PEX26: variants seen among roughly 807,000 people sequenced by gnomAD.
PEX26 encodes the protein peroxisomal biogenesis factor 26, also known as peroxisome assembly protein 26.
PEX26 carries 18 observed loss-of-function variants against 31.4 expected under a neutral mutation model. The observed-to-expected ratio is 0.57, with a 90% confidence interval of 0.40 to 0.85. The LOEUF (loss-of-function observed/expected upper bound fraction) is 0.85, where lower values mean the gene tolerates loss of function less well. Ranked by LOEUF, PEX26 falls within the 40% of genes least tolerant of loss-of-function variation. The probability of loss-of-function intolerance (pLI) is 0.00; values close to 1 mark genes in which losing one functional copy is unlikely to be tolerated. For missense variants in PEX26, 377 were observed against 383.9 expected, an observed-to-expected ratio of 0.98 and a Z score of 0.15; for synonymous variants, 176 against 166.9, an observed-to-expected ratio of 1.05 and a Z score of -0.42.
intron 4 of PEX26, among the ~76,000 whole-genome samples, chr22:18,085,506 G>C (rs1292084021): frequency 1.3e-5 from 2 of 152,198 alleles, no homozygotes; most frequent in Non-Finnish European, 1.5e-5. Context: ...GCTGACTCCT[G>C]AACATGGACT....
At position 18,103,429 on chromosome 22, in the gene PEX26, A is replaced by G. The variant is rs1927520450; in HGVS notation, c.*15354A>G. On this transcript the variant is annotated 3_prime_UTR_variant, in exon 5 of 5. Transcript: ENST00000399744. ...GTAATGAAATGTCACATCTACTTCA[A>G]TAATATGTACAAATATTATTTATCA... is the stretch of plus-strand genomic sequence containing the variant. 1.3e-5 allele frequency: 2 copies of G among 152,206 alleles called. 1 individual carries two copies. Among genetic ancestry groups the G allele is most frequent in the South Asian group, 4.1e-4 (2 of 4,832 alleles). The allele number at this position is 152,206 out of a possible 1,614,324, so 9.4% of individuals were successfully genotyped here.
In PEX26 at chr22:18,078,434, C is replaced by A; in HGVS notation, c.58C>A (p.Arg20Ser). The part of the protein sequence containing the change: ...APLRGLGGPL[R>S]SSEPVRAVPA... ...CCTCAGGGGGCTCGGGGGACCCCTG[C>A]GCAGCAGCGAGCCGGTGCGCGCGGT... Residue 20 changes from arginine to serine, a missense_variant, in exon 1 of 5, where the codon CGC becomes AGC. By Grantham distance (110) the Arg-to-Ser change is moderately radical (BLOSUM62 -1). Coordinates refer to ENST00000399744, the MANE Select transcript of PEX26 (RefSeq NM_001127649.3). 6.3e-7 allele frequency: 1 copy of A among 1,580,696 alleles called. No homozygotes were observed. Among genetic ancestry groups the A allele is most frequent in the Non-Finnish European group, 8.6e-7 (1 of 1,167,592 alleles).
chr22:18,083,541 T>C lies in PEX26; in HGVS notation c.476T>C (p.Leu159Ser). 1 of 1,614,134 alleles carries C rather than the reference T, an allele frequency of 6.2e-7. No homozygotes were observed. Residue 159 changes from leucine (L) to serine (S), a missense_variant, in exon 3 of 5, where the codon TTG becomes TCG. By Grantham distance (145) the Leu-to-Ser change is moderately radical. Transcript: ENST00000399744. ...CAAAACCTTCCAGAATATGGAGCCT[T>C]GGCAGAATTTCACGTGCAGCGGGTG... is the stretch of plus-strand genomic sequence containing the variant. ...ANQNLPEYGA[L>S]AEFHVQRVLL... is the part of the protein sequence containing the mutation.
rs1003591557 is a variant in PEX26 at position 18,091,844 on chromosome 22, G to A, written c.*3769G>A. ...CCCCAAGTTTAGGGTGAGCAGCAGT[G>A]GTCAGAGCTCTTTACTATTACTTTT... On this transcript the variant is annotated 3_prime_UTR_variant, in exon 5 of 5. Transcript: ENST00000399744. The A allele has an allele frequency of 6.6e-6, 1 of 152,244 alleles. No homozygotes were observed. Among genetic ancestry groups the A allele is most frequent in the Non-Finnish European group, 1.5e-5 (1 of 68,102 alleles). The allele number at this position is 152,244 out of a possible 1,614,324, so 9.4% of individuals were successfully genotyped here. A position where few individuals can be genotyped will look rare whatever the true frequency, so the allele number is the denominator to read the frequency against.
At position 18,093,811 on chromosome 22, in the gene PEX26, T is replaced by C. The variant is rs1019944536; in HGVS notation, c.*5736T>C. The C allele has an allele frequency of 6.6e-6, 1 of 152,210 alleles. No individual in the cohort carries two copies. Among genetic ancestry groups the C allele is most frequent in the Non-Finnish European group, 1.5e-5 (1 of 68,042 alleles). 9.4% of individuals were successfully genotyped at this position (152,210 alleles called of 1,614,324 possible). On this transcript the variant is annotated 3_prime_UTR_variant, in exon 5 of 5. Transcript: ENST00000399744. ...TTGGCAGCCCATGCACTTGAGAACC[T>C]GTAGAAAATGGCAGTGTGCAACCAG...
In PEX26 at chr22:18,100,454, C is replaced by A. The variant is rs1351155482; in HGVS notation, c.*12379C>A. ...CTTGCAAAATACCTCAAGTGTACCTCATTTACCTCAAATATACCTCATGGT... is the reference window on the plus strand; with the variant it reads ...CTTGCAAAATACCTCAAGTGTACCTAATTTACCTCAAATATACCTCATGGT... On this transcript the variant is annotated 3_prime_UTR_variant, in exon 5 of 5. Coordinates refer to ENST00000399744, the MANE Select transcript of PEX26 (RefSeq NM_001127649.3). 2 of 152,132 alleles carry A rather than the reference C, an allele frequency of 1.3e-5. No individual in the cohort carries two copies. Among genetic ancestry groups the A allele is most frequent in the African/African-American group, 4.8e-5 (2 of 41,432 alleles). 9.4% of individuals were successfully genotyped at this position (152,132 alleles called of 1,614,324 possible).
chr22:18,078,273 G>A lies in PEX26; in HGVS notation c.-104G>A, dbSNP rs1257139520. The A allele has an allele frequency of 1.2e-6, 1 of 827,786 alleles. No individual in the cohort carries two copies. The highest frequency in any genetic ancestry group is 2.0e-5 in the Admixed American group (1 of 50,240). The allele number at this position is 827,786 out of a possible 1,614,324, so 51.3% of individuals were successfully genotyped here. A position where few individuals can be genotyped will look rare whatever the true frequency, so the allele number is the denominator to read the frequency against. On this transcript the variant is annotated 5_prime_UTR_variant, in exon 1 of 5. The change abolishes an upstream ATG in the 5' untranslated region. Transcript: ENST00000399744. ...CGGGAAGGGGTGTGGGCAAAGAGAT[G>A]AGGACTCTCCCTCTTCGCCCAGGCC...
intron 2 of PEX26, among the ~76,000 whole-genome samples, chr22:18,083,198 A>T (rs779771197): frequency 3.9e-5 from 6 of 152,196 alleles, no homozygotes; most frequent in African/African-American, 1.4e-4. Context: ...CGGTCAAAGT[A>T]GGCATCTTTG....
At position 18,094,164 on chromosome 22, in the gene PEX26, A is replaced by G. The variant is rs1379660552; in HGVS notation, c.*6089A>G. 1.3e-5 allele frequency: 2 copies of G among 152,128 alleles called. No individual in the cohort carries two copies. Among genetic ancestry groups the G allele is most frequent in the Non-Finnish European group, 2.9e-5 (2 of 68,036 alleles). 9.4% of individuals were successfully genotyped at this position (152,128 alleles called of 1,614,324 possible). A position where few individuals can be genotyped will look rare whatever the true frequency, so the allele number is the denominator to read the frequency against. On this transcript the variant is annotated 3_prime_UTR_variant, in exon 5 of 5. Transcript: ENST00000399744. The stretch of plus-strand genomic sequence containing the variant: ...GGACAGGTGTCAGATAATAGCAGAG[A>G]CTTGGTGAAGAAATGAAAGCACTTT...
rs1199052809 is a variant in PEX26, at chr22:18,083,693, C to T, written c.628C>T (p.His210Tyr). 5.0e-6 allele frequency: 8 copies of T among 1,613,998 alleles called. No homozygotes were observed. Among genetic ancestry groups the T allele is most frequent in the Admixed American group, 1.7e-5 (1 of 60,008 alleles). The part of the protein sequence containing the change: ...HTARQQQKQE[H>Y]SGSEEAQKPN... ...AGCGAGGCAGCAGCAGAAACAGGAA[C>T]ACTCAGGCTCTGAGGAGGCCCAGAA... is the stretch of plus-strand genomic sequence containing the variant. Residue 210 changes from histidine to tyrosine, a missense_variant, in exon 3 of 5, where the codon CAC (histidine) becomes TAC (tyrosine). His to Tyr is a moderately conservative substitution (Grantham distance 83, BLOSUM62 2). Coordinates refer to ENST00000399744, the MANE Select transcript of PEX26 (RefSeq NM_001127649.3).
chr22:18,079,628 C>T (rs1926465392), intron 1 of PEX26, among the ~76,000 whole-genome samples: 1 of 152,166 alleles, frequency 6.6e-6, no homozygotes, highest in Non-Finnish European at 1.5e-5. Context: ...CTGATTTCAC[C>T]TGGATACAAA....
chr22:18,085,667 G>A (rs1926813488), intron 4 of PEX26, among the ~76,000 whole-genome samples: 2 of 151,868 alleles, frequency 1.3e-5, no homozygotes, highest in South Asian at 2.1e-4. Flanking sequence ...TCAGGAAATC[G>A]AGACCAGCCT....
rs1278163550 is a variant in PEX26, at chr22:18,104,678, GCTCACTGCCTCTTGTT to G, written c.*16615_*16630del. 2 of 152,658 alleles carry G rather than the reference GCTCACTGCCTCTTGTT, an allele frequency of 1.3e-5. No individual in the cohort carries two copies. Among genetic ancestry groups the G allele is most frequent in the Admixed American group, 6.6e-5 (1 of 15,236 alleles). 9.5% of individuals were successfully genotyped at this position (152,658 alleles called of 1,614,324 possible). A position where few individuals can be genotyped will look rare whatever the true frequency, so the allele number is the denominator to read the frequency against. On this transcript the variant is annotated 3_prime_UTR_variant, in exon 5 of 5. Transcript: ENST00000399744. ...TCTGTCACTGACTCCCGCTCCCAGT[GCTCACTGCCTCTTGTT>G]CTCACTGCCTCCTGTTCTCACTGCC... is the stretch of plus-strand genomic sequence containing the variant.
At chr22:18,083,088 G>A (rs943169611) in intron 2 of PEX26, among the ~76,000 whole-genome samples, 1 of 152,204 alleles carries the variant, frequency 6.6e-6, no homozygotes, top group Non-Finnish European at 1.5e-5. Context: ...TCTGCAAACA[G>A]GGATAACTTG....
intron 3 of PEX26, among the ~76,000 whole-genome samples, chr22:18,083,966 T>G (rs1017546796): frequency 2.6e-5 from 4 of 152,342 alleles, no homozygotes; most frequent in Admixed American, 2.6e-4. Context: ...TCTTGGGACC[T>G]TGACTTGTCT....
In PEX26 at chr22:18,101,335, A is replaced by G. The variant is rs898444965; in HGVS notation, c.*13260A>G. 2.0e-5 allele frequency: 3 copies of G among 152,088 alleles called. No individual in the cohort carries two copies. Among genetic ancestry groups the G allele is most frequent in the African/African-American group, 7.2e-5 (3 of 41,406 alleles). The allele number at this position is 152,088 out of a possible 1,614,324, so 9.4% of individuals were successfully genotyped here. On this transcript the variant is annotated 3_prime_UTR_variant, in exon 5 of 5. Coordinates refer to ENST00000399744, the MANE Select transcript of PEX26 (RefSeq NM_001127649.3). ...AAGATGGGTAGCTGGCTTGAGTAAC[A>G]TCCTAGATAATAGTCCCAGTCAAAA... is the stretch of plus-strand genomic sequence containing the variant.
intron 3 of PEX26, 132 bp from the exon 4 acceptor site, chr22:18,084,980 C>T (rs1249245375): frequency 2.3e-6 from 2 of 887,850 alleles, no homozygotes; most frequent in Non-Finnish European, 3.6e-6. Flanking sequence ...CTCAGCCTCC[C>T]AAAGTGCTGG....
Position 18,084,563 on chromosome 22 carries a change from T to TA in PEX26, c.668-543dup, listed in dbSNP as rs536718757. On this transcript the variant is annotated intron_variant, in intron 3 of 4. Coordinates refer to ENST00000399744, the MANE Select transcript of PEX26 (RefSeq NM_001127649.3). Reference sequence around the variant, plus strand: ...TGGCCTGAAAGGTTCTGAAAGGTTTTAAAAAACTTTTACAAAGATGCATTC... The same window carrying TA: ...TGGCCTGAAAGGTTCTGAAAGGTTTTAAAAAAACTTTTACAAAGATGCATTC... Among the ~76,000 whole-genome samples, 751 of 152,014 alleles carry TA rather than the reference T, an allele frequency of 4.9e-3. 7 individuals carry two copies. Among genetic ancestry groups the TA allele is most frequent in the African/African-American group, 0.017 (708 of 41,448 alleles).
Position 18,083,279 on chromosome 22 carries a change from C to T in PEX26, c.372-158C>T, listed in dbSNP as rs183965022. On this transcript the variant is annotated intron_variant, in intron 2 of 4. Transcript: ENST00000399744. ...ATTATGCTGTTAGTGATGGGTGTGT[C>T]GTGGGGAATTCCCATGAGCATCATC... is the stretch of plus-strand genomic sequence containing the variant. 8.5e-5 allele frequency among the ~76,000 whole-genome samples: 13 copies of T among 152,180 alleles called. No homozygotes were observed. In the East Asian group the frequency reaches 2.1e-3, roughly 25 times the overall value.
Sources: allele counts gnomAD v4.1 joint callset (sites outside exome capture counted in the v4.1 genomes callset), GRCh38; gene constraint gnomAD v4.1.1; transcripts MANE v1.5; gene names NCBI Gene and HGNC (gene_info 2026-07-23, HGNC 2026-07-21).